The following KCNMB4 variants were observed in gnomAD, a reference collection of about 807,000 sequenced individuals.
KCNMB4 encodes calcium-activated potassium channel subunit beta-4.
KCNMB4 carries 3 observed loss-of-function variants against 20.7 expected under a neutral mutation model. The observed-to-expected ratio is 0.14, with a 90% CI of 0.07 to 0.37. The LOEUF is 0.37. KCNMB4 is among the 10% of genes least tolerant of loss of function. KCNMB4 has a pLI of 1.00. For missense variants in KCNMB4, 168 were observed against 265.9 expected (o/e 0.63, Z 2.56); for synonymous variants, 110 against 113.4 (o/e 0.97, Z 0.19).
intron 2 of KCNMB4, among the ~76,000 whole-genome samples, chr12:70,424,586 C>T (rs968092375): frequency 5.3e-5 from 8 of 152,102 alleles, no homozygotes; most frequent in African/African-American, 1.9e-4. Context: ...CTTGTCTCTA[C>T]TAAACGTACA....
chr12:70,378,724 A>G (rs1883731737), intron 1 of KCNMB4, among the ~76,000 whole-genome samples: 1 of 152,046 alleles, frequency 6.6e-6, no homozygotes, highest in African/African-American at 2.4e-5. Flanking sequence ...TTTAGTAGAG[A>G]CAAGGCTTCA....
chr12:70,432,136 T>G lies in KCNMB4; in HGVS notation c.*1483T>G, dbSNP rs750623135. On this transcript the variant is annotated 3_prime_UTR_variant, in exon 3 of 3. Transcript: ENST00000258111. Reference sequence around the variant, plus strand: ...TCTCCACCTCCTGGGTTCAAGTCATTCCTCTGCCTCAGCCTCCCGAGTAGC... The same window carrying G: ...TCTCCACCTCCTGGGTTCAAGTCATGCCTCTGCCTCAGCCTCCCGAGTAGC... 1.3e-5 allele frequency: 2 copies of G among 151,896 alleles called. No homozygotes were observed. The highest frequency in any genetic ancestry group is 2.4e-5 in the African/African-American group (1 of 41,260). 9.4% of individuals were successfully genotyped at this position (151,896 alleles called of 1,614,324 possible). A position where few individuals can be genotyped will look rare whatever the true frequency, so the allele number is the denominator to read the frequency against.
At chr12:70,408,315 A>G (rs1387287448) in intron 2 of KCNMB4, among the ~76,000 whole-genome samples, 3 of 152,324 alleles carry the variant, frequency 2.0e-5, no homozygotes, top group East Asian at 3.9e-4. Context: ...TACTACTGCT[A>G]AATATGAAAT....
intron 2 of KCNMB4, among the ~76,000 whole-genome samples, chr12:70,427,380 A>G (rs1287083358): frequency 1.3e-5 from 2 of 152,248 alleles, no homozygotes; most frequent in Non-Finnish European, 2.9e-5. Context: ...AAACTGAATG[A>G]TAAGCGTGAG....
chr12:70,393,684 A>G (rs1868323262), intron 1 of KCNMB4, among the ~76,000 whole-genome samples: 1 of 152,194 alleles, frequency 6.6e-6, no homozygotes, highest in African/African-American at 2.4e-5. Context: ...AATTCTAACT[A>G]AAAAAACTAT....
chr12:70,367,027 C>T lies in KCNMB4; in HGVS notation c.293C>T (p.Ala98Val). The T allele has an allele frequency of 1.3e-6, 2 of 1,570,270 alleles. No individual in the cohort carries two copies. Among genetic ancestry groups the T allele is most frequent in the Non-Finnish European group, 1.7e-6 (2 of 1,152,480 alleles). ...AACAACTCTGAGTCCAACTCTAGGG[C>T]GCTGCTGCACAGCGACGAGCACCAG... is the stretch of plus-strand genomic sequence containing the variant. ...YVNNSESNSR[A>V]LLHSDEHQLL... The change falls in exon 1 of 3, where the codon GCG becomes GTG. Residue 98 changes from alanine to valine, a missense_variant. Physicochemically the swap from Ala to Val is moderately conservative, Grantham distance 64. Transcript: ENST00000258111.
At chr12:70,406,554 C>T (rs143100843) in intron 2 of KCNMB4, among the ~76,000 whole-genome samples, 1,606 of 152,288 alleles carry the variant, frequency 0.011, 12 homozygotes, top group South Asian at 0.032. Context: ...ACTCTTTGAG[C>T]CTGAACCCAC....
intron 1 of KCNMB4, among the ~76,000 whole-genome samples, chr12:70,385,241 G>A (rs1868248765): frequency 6.6e-6 from 1 of 152,146 alleles, no homozygotes; most frequent in Admixed American, 6.5e-5. Flanking sequence ...TGTGAATGCT[G>A]TCTGATTCAC....
At chr12:70,425,791 A>G (rs1011359705) in intron 2 of KCNMB4, among the ~76,000 whole-genome samples, 2 of 152,210 alleles carry the variant, frequency 1.3e-5, no homozygotes, top group African/African-American at 2.4e-5. Flanking sequence ...TTGAGTCTTG[A>G]ACGATTTGCT....
chr12:70,402,877 G>A (rs1252136588), intron 2 of KCNMB4, among the ~76,000 whole-genome samples: 1 of 152,128 alleles, frequency 6.6e-6, no homozygotes, highest in Non-Finnish European at 1.5e-5. Context: ...AAGAGAGAAA[G>A]AGCCTGTCTT....
At chr12:70,425,889 AG>A (rs1253789536) in intron 2 of KCNMB4, among the ~76,000 whole-genome samples, 8 of 152,230 alleles carry the variant, frequency 5.3e-5, no homozygotes, top group African/African-American at 1.9e-4. Context: ...CCATAATCCC[AG>A]TAGTTTGGGG....
At chr12:70,397,671 C>G (rs1868366931) in intron 1 of KCNMB4, among the ~76,000 whole-genome samples, 1 of 152,176 alleles carries the variant, frequency 6.6e-6, no homozygotes, top group African/African-American at 2.4e-5. Flanking sequence ...TTCTTCTGGT[C>G]AAATCTTAGG....
At chr12:70,378,399 C>A (rs1298211194) in intron 1 of KCNMB4, among the ~76,000 whole-genome samples, 1 of 152,176 alleles carries the variant, frequency 6.6e-6, no homozygotes, top group Admixed American at 6.5e-5. Context: ...ATTTTAACCT[C>A]CGTTCATGAT....
At chr12:70,378,529 T>C (rs1181239797) in intron 1 of KCNMB4, among the ~76,000 whole-genome samples, 1 of 152,168 alleles carries the variant, frequency 6.6e-6, no homozygotes, top group East Asian at 1.9e-4. Context: ...GTATTTTTTA[T>C]TTTTTATTTT....
At chr12:70,413,205 C>G (rs1473014833) in intron 2 of KCNMB4, among the ~76,000 whole-genome samples, 1 of 152,210 alleles carries the variant, frequency 6.6e-6, no homozygotes, top group African/African-American at 2.4e-5. Context: ...CTGTACATTA[C>G]TTAAAATCTA....
intron 2 of KCNMB4, among the ~76,000 whole-genome samples, chr12:70,430,186 A>G (rs1364960440): frequency 6.6e-6 from 1 of 152,190 alleles, no homozygotes; most frequent in African/African-American, 2.4e-5. Flanking sequence ...ATGAATGAGA[A>G]AGTGGAATAC....
intron 2 of KCNMB4, among the ~76,000 whole-genome samples, chr12:70,405,286 A>T (rs1868568468): frequency 6.6e-6 from 1 of 152,204 alleles, no homozygotes; most frequent in African/African-American, 2.4e-5. Context: ...CTACAACTCA[A>T]TAGTAAAAGA....
intron 1 of KCNMB4, among the ~76,000 whole-genome samples, chr12:70,396,146 A>C (rs769827929): frequency 1.1e-4 from 16 of 152,196 alleles, no homozygotes; most frequent in Non-Finnish European, 2.1e-4. Context: ...CTGGTGCTCC[A>C]AGAGAGGGAT....
chr12:70,407,802 G>A (rs541902722), intron 2 of KCNMB4, among the ~76,000 whole-genome samples: 1 of 151,832 alleles, frequency 6.6e-6, no homozygotes, highest in South Asian at 2.1e-4. Flanking sequence ...CTATTCACAT[G>A]GTTGGTTCTT....
Sources: gnomAD v4.1 joint callset for allele counts (sites outside exome capture counted in the v4.1 genomes callset) on GRCh38, gnomAD v4.1.1 for gene constraint, MANE v1.5 for transcripts, NCBI Gene and HGNC (gene_info 2026-07-23, HGNC 2026-07-21) for gene names.